TENM2: variants seen among roughly 807,000 people sequenced by gnomAD.
The protein encoded by TENM2 is teneurin-2.
A neutral mutation model predicts 245.2 loss-of-function variants in TENM2; 52 were observed. The observed-to-expected ratio is 0.21, with a 90% CI of 0.17 to 0.27. TENM2 has a LOEUF of 0.27. Ranked by LOEUF, TENM2 falls within the 10% of genes least tolerant of loss-of-function variation. The pLI is 1.00. For missense variants in TENM2, 3,046 were observed against 3,666.8 expected (o/e 0.83, Z 4.37); for synonymous variants, 1,363 against 1,438.9 (o/e 0.95, Z 1.19).
At chr5:167,156,768 C>T in the TENM2 span, among the ~76,000 whole-genome samples, 6 of 152,288 alleles carry the variant, frequency 3.9e-5, no homozygotes, top group South Asian at 2.1e-4. Flanking sequence ...CCCTCTCAAG[C>T]GCTTTCCCAG....
the TENM2 span, among the ~76,000 whole-genome samples, chr5:167,081,086 C>T: frequency 6.6e-6 from 1 of 151,634 alleles, no homozygotes; most frequent in African/African-American, 2.4e-5. Flanking sequence ...AGCCATTCTA[C>T]CCCTACCAAC....
At chr5:168,122,598 C>T (rs191912540) in intron 10 of TENM2, among the ~76,000 whole-genome samples, 17 of 152,222 alleles carry the variant, frequency 1.1e-4, no homozygotes, top group Admixed American at 2.0e-4. Flanking sequence ...GAGTTATACT[C>T]CCCGAGACAA....
the TENM2 span, among the ~76,000 whole-genome samples, chr5:167,147,488 A>C: frequency 2.6e-5 from 4 of 152,166 alleles, no homozygotes; most frequent in African/African-American, 9.6e-5. Context: ...CAGTGCATAC[A>C]AATACATTAT....
At chr5:167,576,362 T>G (rs1774686626) in intron 2 of TENM2, among the ~76,000 whole-genome samples, 1 of 148,872 alleles carries the variant, frequency 6.7e-6, no homozygotes, top group African/African-American at 2.5e-5. Flanking sequence ...AAAAAAGAAA[T>G]GCAGTAGACT....
the TENM2 span, among the ~76,000 whole-genome samples, chr5:167,153,481 G>C: frequency 6.6e-6 from 1 of 151,992 alleles, no homozygotes; most frequent in Admixed American, 6.6e-5. Context: ...TGAGGGGTTC[G>C]TCTTGCTGTC....
chr5:167,798,127 C>T (rs1765450501), intron 2 of TENM2, among the ~76,000 whole-genome samples: 1 of 152,178 alleles, frequency 6.6e-6, no homozygotes, highest in Admixed American at 6.5e-5. Flanking sequence ...TCCATTTATT[C>T]AAGTTTACTC....
rs1055269516 is a variant in TENM2 at position 168,196,924 on chromosome 5, A to T, written c.2900+1629A>T. Among the ~76,000 whole-genome samples the T allele has an allele frequency of 7.2e-5, 11 of 152,176 alleles. 1 individual carries two copies. Among genetic ancestry groups the T allele is most frequent in the Admixed American group, 6.5e-4 (10 of 15,274 alleles). ...ATGCCCCAAGTCCACTTCCCAGATCATCTATCCAACCTCCTGGATCAGTTA... is the reference window on the plus strand; with the variant it reads ...ATGCCCCAAGTCCACTTCCCAGATCTTCTATCCAACCTCCTGGATCAGTTA... On this transcript the variant is annotated intron_variant, in intron 15 of 28. Coordinates refer to ENST00000518659, the Ensembl canonical transcript of TENM2.
At chr5:167,777,654 G>T (rs924814648) in intron 2 of TENM2, among the ~76,000 whole-genome samples, 26 of 152,208 alleles carry the variant, frequency 1.7e-4, no homozygotes, top group Non-Finnish European at 2.1e-4. Flanking sequence ...GTGCCTAACA[G>T]CCAGGGTTGT....
intron 2 of TENM2, among the ~76,000 whole-genome samples, chr5:167,843,924 G>A (rs975525956): frequency 3.9e-5 from 6 of 152,148 alleles, no homozygotes; most frequent in African/African-American, 1.4e-4. Context: ...TTTCTTCTGT[G>A]TGGCCCTACT....
At chr5:167,550,320 G>C (rs1042462022) in intron 2 of TENM2, among the ~76,000 whole-genome samples, 1 of 152,134 alleles carries the variant, frequency 6.6e-6, no homozygotes, top group Non-Finnish European at 1.5e-5. Flanking sequence ...ATGTTATTAT[G>C]GTGCTGGATT....
chr5:167,968,019 C>T (rs1781505968), intron 4 of TENM2, among the ~76,000 whole-genome samples: 1 of 152,144 alleles, frequency 6.6e-6, no homozygotes, highest in South Asian at 2.1e-4. Context: ...GGTCCTGCAA[C>T]TTTTCTGAAG....
At chr5:167,440,890 G>A (rs1478202526) in intron 2 of TENM2, among the ~76,000 whole-genome samples, 1 of 152,100 alleles carries the variant, frequency 6.6e-6, no homozygotes, top group Non-Finnish European at 1.5e-5. Flanking sequence ...GCGCAGCACT[G>A]TTTGGTTGTA....
In TENM2 at chr5:167,708,233, GGAGA is replaced by G. The variant is rs10646203; in HGVS notation, c.503-167733_503-167730del. On this transcript the variant is annotated intron_variant, in intron 2 of 28. Coordinates refer to ENST00000518659, the Ensembl canonical transcript of TENM2. ...TGTATGCTACGGGGAAGAAAGTGAT[GGAGA>G]GAGAGAGAGAGAGAGAGAGTTAGAT... Among the ~76,000 whole-genome samples, 282 of 149,088 alleles carry G rather than the reference GGAGA, an allele frequency of 1.9e-3. 1 individual carries two copies. The highest frequency in any genetic ancestry group is 4.5e-3 in the South Asian group (21 of 4,686).
intron 7 of TENM2, among the ~76,000 whole-genome samples, chr5:168,082,740 T>C (rs1792112514): frequency 6.6e-6 from 1 of 152,154 alleles, no homozygotes; most frequent in Admixed American, 6.5e-5. Context: ...TTTGCCTGGG[T>C]ATCACCAGCG....
intron 8 of TENM2, 106 bp downstream of exon 10, chr5:168,090,875 C>A: frequency 2.0e-6 from 2 of 977,870 alleles, no homozygotes; most frequent in Non-Finnish European, 3.1e-6. Context: ...CTACAGATGA[C>A]AACCAACCAG....
chr5:167,971,611 G>A (rs1283231052), intron 4 of TENM2, among the ~76,000 whole-genome samples: 1 of 152,188 alleles, frequency 6.6e-6, no homozygotes, highest in Non-Finnish European at 1.5e-5. Flanking sequence ...TGAGGCAGGA[G>A]AATTGCTTGA....
At chr5:168,064,519 G>A (rs1790328240) in intron 7 of TENM2, among the ~76,000 whole-genome samples, 1 of 152,168 alleles carries the variant, frequency 6.6e-6, no homozygotes, top group South Asian at 2.1e-4. Flanking sequence ...TGGACAGCAG[G>A]CAGAAGCATA....
chr5:167,879,850 C>G (rs897043950), intron 3 of TENM2, among the ~76,000 whole-genome samples: 1 of 152,020 alleles, frequency 6.6e-6, no homozygotes, highest in Non-Finnish European at 1.5e-5. Context: ...GAAGGGTGCC[C>G]TAACCCTTTT....
chr5:167,862,241 A>ATGTGTG lies in TENM2; in HGVS notation c.503-13722_503-13717dup, dbSNP rs138403142. Among the ~76,000 whole-genome samples, 1,290 of 148,532 alleles carry ATGTGTG rather than the reference A, an allele frequency of 8.7e-3. 4 individuals are homozygous for ATGTGTG. The highest frequency in any genetic ancestry group is 0.013 in the Non-Finnish European group (856 of 66,720). ...TTGCTGACTCTAGTCAATTTAGAGTATGTGTGTGTGTGTGTGTGTGTGTGT... is the reference window on the plus strand; with the variant it reads ...TTGCTGACTCTAGTCAATTTAGAGTATGTGTGTGTGTGTGTGTGTGTGTGTGTGTGT... On this transcript the variant is annotated intron_variant, in intron 2 of 28. Coordinates refer to ENST00000518659, the Ensembl canonical transcript of TENM2.
Sources: allele counts gnomAD v4.1 joint callset (sites outside exome capture counted in the v4.1 genomes callset), GRCh38; gene constraint gnomAD v4.1.1; transcripts MANE v1.5; gene names NCBI Gene and HGNC (gene_info 2026-07-23, HGNC 2026-07-21).